The following SNTG2 variants were observed in gnomAD, a reference collection of about 807,000 sequenced individuals.
SNTG2 encodes gamma-2-syntrophin.
Under a neutral mutation model 70.9 loss-of-function variants are expected in SNTG2, and 74 were observed. The ratio of observed to expected loss-of-function variants is 1.04; its 90% CI spans 0.86 to 1.27. The LOEUF (loss-of-function observed/expected upper bound fraction) is 1.27. SNTG2 is among the 50% of genes most tolerant of loss of function. SNTG2 has a pLI of 0.00. For synonymous variants in SNTG2, 278 were observed against 273.8 expected (o/e 1.02, Z -0.15); for missense variants, 717 against 690.7 (o/e 1.04, Z -0.43).
chr2:980,072 A>C (rs183249507), intron 1 of SNTG2, among the ~76,000 whole-genome samples: 2 of 152,194 alleles, frequency 1.3e-5, no homozygotes, highest in Non-Finnish European at 2.9e-5. Context: ...GAGAGTATCT[A>C]TGACTTCCAT....
intron 1 of SNTG2, among the ~76,000 whole-genome samples, chr2:1,008,306 G>A (rs1659630726): frequency 6.6e-6 from 1 of 152,146 alleles, no homozygotes; most frequent in Non-Finnish European, 1.5e-5. Context: ...GCAGATTCCA[G>A]TAATTTTACA....
At chr2:1,346,975 G>T (rs1660322192) in intron 16 of SNTG2, among the ~76,000 whole-genome samples, 1 of 151,986 alleles carries the variant, frequency 6.6e-6, no homozygotes, top group Admixed American at 6.6e-5. Context: ...CCAGAGTCAG[G>T]GTGGAAAGTC....
chr2:1,052,420 T>C (rs1473128292), intron 1 of SNTG2, among the ~76,000 whole-genome samples: 1 of 152,212 alleles, frequency 6.6e-6, no homozygotes, highest in Non-Finnish European at 1.5e-5. Flanking sequence ...TATTTTCTTG[T>C]GTGCTTTTCA....
intron 9 of SNTG2, among the ~76,000 whole-genome samples, chr2:1,223,847 C>CCACAGATGGGTGGCCTTACGCAGCA (rs74164503): frequency 0.093 from 13,920 of 149,456 alleles, 728 homozygotes; most frequent in South Asian, 0.12. Flanking sequence ...GACCTTAGTT[C>CCACAGATGGGTGGCCTTACGCAGCA]CACAGATGGG....
intron 1 of SNTG2, among the ~76,000 whole-genome samples, chr2:1,064,939 G>T (rs952600818): frequency 2.0e-5 from 3 of 152,128 alleles, no homozygotes; most frequent in African/African-American, 7.2e-5. Flanking sequence ...AGAATGAAAG[G>T]GTTTGGGGAA....
At chr2:1,057,908 C>T (rs532438759) in intron 1 of SNTG2, among the ~76,000 whole-genome samples, 26 of 152,212 alleles carry the variant, frequency 1.7e-4, no homozygotes, top group Non-Finnish European at 2.6e-4. Flanking sequence ...GGCATGGTGG[C>T]GCACACCTGT....
At chr2:971,716 T>C (rs1424511627) in intron 1 of SNTG2, among the ~76,000 whole-genome samples, 1 of 127,896 alleles carries the variant, frequency 7.8e-6, no homozygotes, top group Admixed American at 1.0e-4. Context: ...GTTTCCTCCT[T>C]TTTTTTTTTC....
intron 4 of SNTG2, among the ~76,000 whole-genome samples, chr2:1,109,467 T>A (rs4971380): frequency 0.49 from 74,461 of 151,812 alleles, 18,386 homozygotes; most frequent in East Asian, 0.58. Context: ...AATAACTTCC[T>A]TTTTCATTGG....
chr2:1,025,863 A>G (rs1312292717), intron 1 of SNTG2, among the ~76,000 whole-genome samples: 5 of 152,244 alleles, frequency 3.3e-5, no homozygotes, highest in Non-Finnish European at 7.3e-5. Flanking sequence ...TAACATAGAC[A>G]GCATCATTCA....
chr2:1,110,794 A>T (rs756226733), intron 4 of SNTG2, among the ~76,000 whole-genome samples: 20 of 152,368 alleles, frequency 1.3e-4, no homozygotes, highest in African/African-American at 4.8e-4. Context: ...ACTCAGGCCA[A>T]TGTGCCTGCA....
intron 2 of SNTG2, among the ~76,000 whole-genome samples, chr2:1,092,116 T>C (rs1665066412): frequency 1.3e-5 from 2 of 152,256 alleles, no homozygotes; most frequent in Admixed American, 1.3e-4. Flanking sequence ...TGTTAGCACA[T>C]TGTTTTCTGA....
intron 16 of SNTG2, among the ~76,000 whole-genome samples, chr2:1,358,807 G>T (rs1255511611): frequency 2.6e-5 from 4 of 152,152 alleles, no homozygotes; most frequent in African/African-American, 9.7e-5. Flanking sequence ...CATTTGAGAA[G>T]CTTGTGTTTT....
chr2:1,017,681 G>A (rs972617825), intron 1 of SNTG2, among the ~76,000 whole-genome samples: 14 of 152,168 alleles, frequency 9.2e-5, no homozygotes, highest in Non-Finnish European at 5.9e-5. Context: ...AAGAGCTCAC[G>A]TATACATAAA....
chr2:970,472 T>C (rs1331285971), intron 1 of SNTG2, among the ~76,000 whole-genome samples: 3 of 145,096 alleles, frequency 2.1e-5, no homozygotes, highest in African/African-American at 7.7e-5. Context: ...CCTGTGTCCA[T>C]GTGTTCTCAT....
chr2:1,157,376 C>T (rs58702807), intron 6 of SNTG2, among the ~76,000 whole-genome samples: 14,599 of 152,236 alleles, frequency 0.096, 1,644 homozygotes, highest in African/African-American at 0.27. Flanking sequence ...GCGGCTCGTG[C>T]GCTGGAGTGC....
intron 1 of SNTG2, among the ~76,000 whole-genome samples, chr2:1,082,302 T>A (rs1399724871): frequency 6.6e-6 from 1 of 152,230 alleles, no homozygotes; most frequent in Non-Finnish European, 1.5e-5. Flanking sequence ...GTTGGTTTTT[T>A]AAATCCTTTT....
chr2:1,271,187 A>T (rs1221638231), intron 14 of SNTG2, among the ~76,000 whole-genome samples: 1 of 152,202 alleles, frequency 6.6e-6, no homozygotes, highest in African/African-American at 2.4e-5. Flanking sequence ...TGCATAAGAG[A>T]ATAACAGACC....
At chr2:1,355,036 T>G (rs1347649339) in intron 16 of SNTG2, among the ~76,000 whole-genome samples, 1 of 152,212 alleles carries the variant, frequency 6.6e-6, no homozygotes, top group Non-Finnish European at 1.5e-5. Flanking sequence ...GAAGTGTTGT[T>G]ACAAGACTAA....
At chr2:1,304,648 C>T (rs1413079430) in intron 14 of SNTG2, among the ~76,000 whole-genome samples, 1 of 151,576 alleles carries the variant, frequency 6.6e-6, no homozygotes, top group South Asian at 2.1e-4. Context: ...ATCGCTTGAA[C>T]CCAGGAGGTG....
Sources: gnomAD v4.1 joint callset for allele counts (sites outside exome capture counted in the v4.1 genomes callset) on GRCh38, gnomAD v4.1.1 for gene constraint, MANE v1.5 for transcripts, NCBI Gene and HGNC (gene_info 2026-07-23, HGNC 2026-07-21) for gene names.